Variants in AMOTL1 observed in about 807,000 individuals in gnomAD.
The protein encoded by AMOTL1 is angiomotin-like protein 1.
AMOTL1 carries 45 observed loss-of-function variants against 102.9 expected under a neutral mutation model. The ratio of observed to expected loss-of-function variants is 0.44; its 90% confidence interval spans 0.34 to 0.56. The LOEUF (loss-of-function observed/expected upper bound fraction) is 0.56, where lower values mean the gene tolerates loss of function less well. Among genes scored for constraint, AMOTL1 ranks in the 20% least tolerant of loss-of-function variants. The pLI, the probability that AMOTL1 is intolerant of heterozygous loss-of-function variation, is 0.01. For synonymous variants in AMOTL1, 481 were observed against 484.7 expected (o/e 0.99, Z 0.10); for missense variants, 1,114 against 1,225.6 (o/e 0.91, Z 1.36).
At chr11:94,860,055 G>A (rs559232632) in intron 9 of AMOTL1, among the ~76,000 whole-genome samples, 2 of 152,226 alleles carry the variant, frequency 1.3e-5, no homozygotes, top group East Asian at 3.9e-4. Context: ...AACAAGAGGA[G>A]GTTCATTTAA....
At chr11:94,775,404 C>G (rs2135523448) in intron 1 of AMOTL1, among the ~76,000 whole-genome samples, 1 of 152,088 alleles carries the variant, frequency 6.6e-6, no homozygotes, top group East Asian at 1.9e-4. Context: ...CAAAGGAGAG[C>G]CCAGTGCTGG....
At chr11:94,816,193 G>A (rs1172421907) in intron 3 of AMOTL1, among the ~76,000 whole-genome samples, 4 of 151,982 alleles carry the variant, frequency 2.6e-5, no homozygotes, top group South Asian at 2.1e-4. Context: ...TAAAAGCCCC[G>A]AAATAGTAAA....
At chr11:94,707,242 C>CTGTG (rs1361762000) in intron 1 of AMOTL1, among the ~76,000 whole-genome samples, 2 of 50,668 alleles carry the variant, frequency 3.9e-5, no homozygotes, top group South Asian at 6.6e-4. Flanking sequence ...CTCTCTCTCT[C>CTGTG]TCTCTCTCTG....
intron 9 of AMOTL1, among the ~76,000 whole-genome samples, chr11:94,862,162 C>A (rs1952788105): frequency 6.6e-6 from 1 of 152,160 alleles, no homozygotes; most frequent in African/African-American, 2.4e-5. Flanking sequence ...TCTAATAATT[C>A]TGTGAGCAAC....
At chr11:94,798,759 G>A (rs562924656) in intron 2 of AMOTL1, among the ~76,000 whole-genome samples, 1 of 152,300 alleles carries the variant, frequency 6.6e-6, no homozygotes, top group East Asian at 1.9e-4. Flanking sequence ...GGACCAAGAG[G>A]AGGGGTGACC....
intron 1 of AMOTL1, among the ~76,000 whole-genome samples, chr11:94,786,333 T>C (rs1264806387): frequency 6.6e-6 from 1 of 152,210 alleles, no homozygotes; most frequent in East Asian, 1.9e-4. Flanking sequence ...GGTGACTCTG[T>C]GTGAGAGGTG....
intron 3 of AMOTL1, among the ~76,000 whole-genome samples, chr11:94,814,628 C>T (rs568438817): frequency 3.9e-5 from 6 of 152,074 alleles, no homozygotes; most frequent in African/African-American, 7.2e-5. Context: ...GCCCCTATTA[C>T]GATAAACACG....
chr11:94,856,058 G>A (rs1322222941), intron 8 of AMOTL1, among the ~76,000 whole-genome samples: 1 of 151,208 alleles, frequency 6.6e-6, no homozygotes, highest in Non-Finnish European at 1.5e-5. Flanking sequence ...TAACATTACA[G>A]TTTGTTGTTG....
rs76152055 is a variant in AMOTL1 at position 94,810,868 on chromosome 11, A to G, written c.1121+10557A>G. On this transcript the variant is annotated intron_variant, in intron 3 of 12. Coordinates refer to ENST00000433060, the MANE Select transcript of AMOTL1 (RefSeq NM_130847.3). The stretch of plus-strand genomic sequence containing the variant: ...CACACACACACACACACACACACAC[A>G]CGCGTACACACACATATCTTGGATA... Among the ~76,000 whole-genome samples, 614 of 141,884 alleles carry G rather than the reference A, an allele frequency of 4.3e-3. 7 individuals are homozygous for G. The highest frequency in any genetic ancestry group is 0.014 in the African/African-American group (531 of 38,724). 93.1% of individuals were successfully genotyped at this position (141,884 alleles called of 152,430 possible).
chr11:94,717,177 C>T (rs146888841), intron 1 of AMOTL1, among the ~76,000 whole-genome samples: 61 of 151,572 alleles, frequency 4.0e-4, no homozygotes, highest in African/African-American at 9.9e-4. Flanking sequence ...TTCCATATTT[C>T]GGAGTCCTTT....
chr11:94,830,087 A>AAAGTCTGGTC lies in AMOTL1; in HGVS notation c.1458_1467dup (p.Thr490GlyfsTer23). The AAAGTCTGGTC allele has an allele frequency of 6.2e-7, 1 of 1,607,878 alleles. No homozygotes were observed. The highest frequency in any genetic ancestry group is 8.5e-7 in the Non-Finnish European group (1 of 1,177,464). ...CTTCAGAGAATTTCGGAAGCCTATG[A>AAAGTCTGGTC]AAGTCTGGTCAAGTCTACCACCAAG... On this transcript the variant is annotated frameshift_variant, in exon 5 of 13. Coordinates refer to ENST00000433060, the MANE Select transcript of AMOTL1 (RefSeq NM_130847.3). LOFTEE classifies it high-confidence loss of function.
At chr11:94,721,217 G>A (rs766384885) in intron 1 of AMOTL1, among the ~76,000 whole-genome samples, 26 of 152,078 alleles carry the variant, frequency 1.7e-4, no homozygotes, top group Non-Finnish European at 2.8e-4. Flanking sequence ...TGGACATGTG[G>A]CATAAGTGAA....
At chr11:94,762,738 T>G (rs945720009) in intron 3 of AMOTL1, among the ~76,000 whole-genome samples, 1 of 152,174 alleles carries the variant, frequency 6.6e-6, no homozygotes, top group African/African-American at 2.4e-5. Context: ...CTTACCCCAT[T>G]TGGTACAGGT....
chr11:94,790,182 G>A (rs1423911103), intron 1 of AMOTL1, among the ~76,000 whole-genome samples: 1 of 152,132 alleles, frequency 6.6e-6, no homozygotes, highest in South Asian at 2.1e-4. Context: ...AGAGAATACC[G>A]CCATGTTCTT....
At chr11:94,823,302 G>A (rs1338598880) in intron 4 of AMOTL1, among the ~76,000 whole-genome samples, 1 of 152,176 alleles carries the variant, frequency 6.6e-6, no homozygotes, top group Non-Finnish European at 1.5e-5. Flanking sequence ...AGCTCTGGCT[G>A]CCTTTATTGG....
chr11:94,799,919 G>A lies in AMOTL1; in HGVS notation c.729G>A (p.Gln243=). ...CTGTGAACCGTGCCAACAGTGGACA[G>A]GCGCATAAGGACGAGGCGCTGAAGG... ...RPTVNRANSG[Q]AHKDEALKEL... Residue 243 remains glutamine (Q), a synonymous_variant, in exon 3 of 13, where the codon CAG becomes CAA. Coordinates refer to ENST00000433060, the MANE Select transcript of AMOTL1 (RefSeq NM_130847.3). The surrounding 1 kb of genome is among the most constrained non-coding windows in gnomAD (Gnocchi z 4.5). 1 of 1,610,886 alleles carries A rather than the reference G, an allele frequency of 6.2e-7. No individual in the cohort carries two copies. The highest frequency in any genetic ancestry group is 1.7e-5 in the Admixed American group (1 of 59,818).
chr11:94,854,492 G>T (rs191423614), intron 8 of AMOTL1, among the ~76,000 whole-genome samples: 112 of 152,322 alleles, frequency 7.4e-4, no homozygotes, highest in African/African-American at 2.4e-3. Flanking sequence ...GTAGCTAGGG[G>T]AAAGTGCCCA....
At chr11:94,775,568 A>G (rs1421274187) in intron 1 of AMOTL1, among the ~76,000 whole-genome samples, 1 of 152,054 alleles carries the variant, frequency 6.6e-6, no homozygotes, top group South Asian at 2.1e-4. Flanking sequence ...TGCTGTCTGT[A>G]GTAACCACTA....
At chr11:94,709,906 G>A (rs112596690) in intron 1 of AMOTL1, among the ~76,000 whole-genome samples, 1 of 152,206 alleles carries the variant, frequency 6.6e-6, no homozygotes, top group African/African-American at 2.4e-5. Flanking sequence ...ATCCAACCAG[G>A]TAGTTCTTTG....
Sources: gnomAD v4.1 joint callset for allele counts (sites outside exome capture counted in the v4.1 genomes callset) on GRCh38, gnomAD v4.1.1 for gene constraint, Gnocchi (gnomAD v3.1) non-coding constraint, MANE v1.5 for transcripts, NCBI Gene and HGNC (gene_info 2026-07-23, HGNC 2026-07-21) for gene names.